PGM2: variants seen among roughly 807,000 people sequenced by gnomAD.
PGM2 encodes the protein phosphopentomutase.
Under a neutral mutation model 74.6 loss-of-function variants are expected in PGM2, and 57 were observed. That is an observed-to-expected ratio of 0.76 (90% confidence interval 0.62 to 0.95). The LOEUF is 0.95. Among genes scored for constraint, PGM2 ranks in the 40% least tolerant of loss-of-function variants. The probability of loss-of-function intolerance (pLI) is 0.00; values close to 1 mark genes in which losing one functional copy is unlikely to be tolerated. For missense variants in PGM2, 706 were observed against 741.9 expected (o/e 0.95, Z 0.56); for synonymous variants, 273 against 260.7 (o/e 1.05, Z -0.46).
chr4:37,837,484 G>A, intron 3 of PGM2, 45 bp from the exon 4 acceptor site: 1 of 1,114,462 alleles, frequency 9.0e-7, no homozygotes, highest in Non-Finnish European at 1.4e-6. Context: ...TCACAGTCCT[G>A]ATCACTCAAC....
In PGM2 at chr4:37,856,156, C is replaced by T. The variant is rs550127881; in HGVS notation, c.1736+415C>T. ...ATCCCAGCACTTTGGGAGGCCGAGG[C>T]AGGCGGATCACGAGGTCAGGAGATT... On this transcript the variant is annotated intron_variant, in intron 13 of 13. Coordinates refer to ENST00000381967, the MANE Select transcript of PGM2 (RefSeq NM_018290.4). Among the ~76,000 whole-genome samples the T allele has an allele frequency of 6.5e-4, 99 of 152,172 alleles. 3 individuals carry two copies. The highest frequency in any genetic ancestry group is 6.3e-4 in the Non-Finnish European group (43 of 67,988).
intron 2 of PGM2, among the ~76,000 whole-genome samples, chr4:37,831,019 C>G (rs1017496984): frequency 6.6e-6 from 1 of 151,880 alleles, no homozygotes; most frequent in Non-Finnish European, 1.5e-5. Flanking sequence ...CATGGTGAAA[C>G]CCTGTCTCTA....
chr4:37,846,991 T>C lies in PGM2; in HGVS notation c.1068T>C (p.Phe356=). ...ELGALLGWWL[F]TSWKEKNQDR... Reference sequence around the variant, plus strand: ...GGGCCCTCCTGGGCTGGTGGCTTTTTACATCTTGGAAAGAGAAGAACCAGG... The same window carrying C: ...GGGCCCTCCTGGGCTGGTGGCTTTTCACATCTTGGAAAGAGAAGAACCAGG... The change falls in exon 9 of 14, where the codon TTT becomes TTC. Residue 356 remains phenylalanine (F), a synonymous_variant. Transcript: ENST00000381967. 1 of 1,613,970 alleles carries C rather than the reference T, an allele frequency of 6.2e-7. No homozygotes were observed. Among genetic ancestry groups the C allele is most frequent in the Non-Finnish European group, 8.5e-7 (1 of 1,179,832 alleles).
chr4:37,846,894 G>C, intron 8 of PGM2, 37 bp from the exon 9 acceptor site: 1 of 1,532,936 alleles, frequency 6.5e-7, no homozygotes. Context: ...TAAGATTATG[G>C]AAATGAATGG....
At chr4:37,860,576 G>A (rs1711739269) in intron 13 of PGM2, among the ~76,000 whole-genome samples, 1 of 152,216 alleles carries the variant, frequency 6.6e-6, no homozygotes, top group African/African-American at 2.4e-5. Flanking sequence ...TTACAGTACT[G>A]TTTAGCTATT....
intron 4 of PGM2, among the ~76,000 whole-genome samples, chr4:37,838,984 G>A (rs3775793): frequency 0.45 from 68,297 of 151,876 alleles, 17,385 homozygotes; most frequent in Non-Finnish European, 0.59. Context: ...CACAGTAGGG[G>A]GAATAATCCA....
At chr4:37,850,864 A>G (rs1461228354) in intron 12 of PGM2, among the ~76,000 whole-genome samples, 2 of 151,668 alleles carry the variant, frequency 1.3e-5, no homozygotes, top group African/African-American at 4.8e-5. Context: ...GGTGGCTCAT[A>G]CCTATAATCC....
At chr4:37,827,468 G>T (rs754284255) in intron 1 of PGM2, among the ~76,000 whole-genome samples, 2 of 151,814 alleles carry the variant, frequency 1.3e-5, no homozygotes, top group Non-Finnish European at 2.9e-5. Context: ...ATAAACTTGC[G>T]TCTCGCCCTT....
At chr4:37,849,492 A>C (rs1218397446) in intron 11 of PGM2, among the ~76,000 whole-genome samples, 1 of 138,708 alleles carries the variant, frequency 7.2e-6, no homozygotes, top group Non-Finnish European at 1.5e-5. Flanking sequence ...GCTTACTGCA[A>C]CCTCTGCCTC....
Position 37,836,862 on chromosome 4 carries a change from G to GGTGTGTGTGTGT in PGM2, c.357-658_357-647dup, listed in dbSNP as rs57338198. 7.7e-3 allele frequency among the ~76,000 whole-genome samples: 1,158 copies of GGTGTGTGTGTGT among 150,522 alleles called. 25 individuals are homozygous for GGTGTGTGTGTGT. In the East Asian group the frequency reaches 0.081, roughly 11 times the overall value. On this transcript the variant is annotated intron_variant, in intron 3 of 13. Transcript: ENST00000381967. ...GAACCAAGATGTATATATGTGTATG[G>GGTGTGTGTGTGT]GTGTGTGTGTGTGTGTGTGTATACA...
chr4:37,834,644 A>T lies in PGM2; in HGVS notation c.276A>T (p.Gln92His), dbSNP rs762649213. 6.3e-7 allele frequency: 1 copy of T among 1,594,946 alleles called. No individual in the cohort carries two copies. Among genetic ancestry groups the T allele is most frequent in the African/African-American group, 1.3e-5 (1 of 74,292 alleles). Reference sequence around the variant, plus strand: ...GATTTTGCAGATACCTGGAAAAACAATTCAGTGACTTAAAGCAGAAAGGCA... The same window carrying T: ...GATTTTGCAGATACCTGGAAAAACATTTCAGTGACTTAAAGCAGAAAGGCA... Reference protein sequence around the residue: ...TQGFCRYLEKQFSDLKQKGIV... With the variant: ...TQGFCRYLEKHFSDLKQKGIV... Residue 92 changes from glutamine to histidine, a missense_variant, in exon 3 of 14, where the codon CAA becomes CAT. Physicochemically the swap from Gln to His is conservative, Grantham distance 24 (BLOSUM62 0). Coordinates refer to ENST00000381967, the MANE Select transcript of PGM2 (RefSeq NM_018290.4).
At position 37,847,020 on chromosome 4, in the gene PGM2, G is replaced by A. The variant is rs1216137870; in HGVS notation, c.1097G>A (p.Arg366His). The change falls in exon 9 of 14, where the codon CGC (arginine) becomes CAC (histidine). Residue 366 changes from arginine (R) to histidine (H), a missense_variant. Physicochemically the swap from Arg to His is conservative, Grantham distance 29 (BLOSUM62 0). Coordinates refer to ENST00000381967, the MANE Select transcript of PGM2 (RefSeq NM_018290.4). ...FTSWKEKNQD[R>H]SALKDTYMLS... ...TCTTGGAAAGAGAAGAACCAGGATC[G>A]CAGTGCTCTCAAAGACACGTACATG... 8.1e-6 allele frequency: 13 copies of A among 1,613,230 alleles called. No homozygotes were observed. The highest frequency in any genetic ancestry group is 3.3e-5 in the Admixed American group (2 of 59,994).
At chr4:37,841,100 A>ATATGTGTGTGTGTG (rs1202149456) in intron 6 of PGM2, among the ~76,000 whole-genome samples, 74 of 115,732 alleles carry the variant, frequency 6.4e-4, no homozygotes, top group African/African-American at 2.5e-3. Context: ...ATATATATAT[A>ATATGTGTGTGTGTG]TGTGTGTGTG....
chr4:37,853,055 TTTC>T lies in PGM2; in HGVS notation c.1603-2545_1603-2543del, dbSNP rs1394980407. On this transcript the variant is annotated intron_variant, in intron 12 of 13. Coordinates refer to ENST00000381967, the MANE Select transcript of PGM2 (RefSeq NM_018290.4). ...ATGTTCTACTTTTCTTGTTTCTTTC[TTTC>T]TTCTTCTGTTTTTCTGGGAGATTTC... is the stretch of plus-strand genomic sequence containing the variant. Among the ~76,000 whole-genome samples the T allele has an allele frequency of 1.4e-4, 22 of 152,356 alleles. No homozygotes were observed. In the South Asian group the frequency reaches 3.3e-3, roughly 23 times the overall value.
rs560880810 is a variant in PGM2 at position 37,855,017 on chromosome 4, T to G, written c.1603-591T>G. On this transcript the variant is annotated intron_variant, in intron 12 of 13. Coordinates refer to ENST00000381967, the MANE Select transcript of PGM2 (RefSeq NM_018290.4). ...TAATTAGAATGTGTTACCTCACATA[T>G]TGATCATGTATTTGTAGTGAGAACA... Among the ~76,000 whole-genome samples, 3 of 152,394 alleles carry G rather than the reference T, an allele frequency of 2.0e-5. No individual in the cohort carries two copies. The East Asian group carries it at 5.8e-4, about 29-fold the overall frequency.
At chr4:37,860,867 A>T (rs1047366819) in intron 13 of PGM2, among the ~76,000 whole-genome samples, 1 of 152,132 alleles carries the variant, frequency 6.6e-6, no homozygotes, top group Non-Finnish European at 1.5e-5. Context: ...ATTTTCTTAA[A>T]GGGATTTGTC....
In PGM2 at chr4:37,851,664, G is replaced by A. The variant is rs146098721; in HGVS notation, c.1602+1291G>A. Among the ~76,000 whole-genome samples, 349 of 152,276 alleles carry A rather than the reference G, an allele frequency of 2.3e-3. 2 individuals are homozygous for A. Among genetic ancestry groups the A allele is most frequent in the African/African-American group, 7.9e-3 (327 of 41,546 alleles). On this transcript the variant is annotated intron_variant, in intron 12 of 13. Transcript: ENST00000381967. ...CCCACCCCTGCCACCTCATTGCCAT[G>A]TCACCAAGACTAGATTTGTAAATCA...
At chr4:37,847,895 A>G (rs972875314) in intron 10 of PGM2, among the ~76,000 whole-genome samples, 2 of 152,260 alleles carry the variant, frequency 1.3e-5, no homozygotes, top group African/African-American at 4.8e-5. Flanking sequence ...ATTATGCATT[A>G]GATTTATTTA....
intron 3 of PGM2, among the ~76,000 whole-genome samples, chr4:37,835,843 A>C (rs1343710723): frequency 1.3e-5 from 2 of 152,234 alleles, no homozygotes; most frequent in Admixed American, 1.3e-4. Context: ...GCAGCTCAAA[A>C]ATGTGCTTTT....
Sources: gnomAD v4.1 joint callset for allele counts (sites outside exome capture counted in the v4.1 genomes callset) on GRCh38, gnomAD v4.1.1 for gene constraint, MANE v1.5 for transcripts, NCBI Gene and HGNC (gene_info 2026-07-23, HGNC 2026-07-21) for gene names.